MLLT3: variants seen among roughly 807,000 people sequenced by gnomAD.
The protein encoded by MLLT3 is protein AF-9.
A neutral mutation model predicts 53.2 loss-of-function variants in MLLT3; 4 were observed. The observed-to-expected ratio is 0.08, with a 90% CI of 0.04 to 0.17. The LOEUF is 0.17. Ranked by LOEUF, MLLT3 falls within the 10% of genes least tolerant of loss-of-function variation. MLLT3 has a pLI of 1.00. For synonymous variants in MLLT3, 283 were observed against 230.6 expected, an observed-to-expected ratio of 1.23 and a Z score of -2.06; for missense variants, 569 against 684.0, an observed-to-expected ratio of 0.83 and a Z score of 1.87.
intron 4 of MLLT3, among the ~76,000 whole-genome samples, chr9:20,447,644 A>G (rs1245199899): frequency 6.6e-6 from 1 of 152,210 alleles, no homozygotes; most frequent in African/African-American, 2.4e-5. Context: ...CATAAAATTC[A>G]AACAAACAAA....
At chr9:20,507,384 C>CT (rs1433222381) in intron 2 of MLLT3, among the ~76,000 whole-genome samples, 1 of 152,084 alleles carries the variant, frequency 6.6e-6, no homozygotes, top group Non-Finnish European at 1.5e-5. Flanking sequence ...AATTGCCTCC[C>CT]CCAAGTTGAC....
intron 4 of MLLT3, among the ~76,000 whole-genome samples, chr9:20,434,058 T>C (rs1351907579): frequency 6.6e-6 from 1 of 151,752 alleles, no homozygotes; most frequent in South Asian, 2.1e-4. Context: ...GAAGCGGAGG[T>C]TGCAGTGAGC....
chr9:20,434,347 G>GT (rs145743524), intron 4 of MLLT3, among the ~76,000 whole-genome samples: 8,308 of 152,130 alleles, frequency 0.055, 617 homozygotes, highest in African/African-American at 0.16. Flanking sequence ...AGAAAGAAAA[G>GT]TTTTTTGTAC....
chr9:20,543,618 G>A (rs986920659), intron 2 of MLLT3, among the ~76,000 whole-genome samples: 2 of 151,816 alleles, frequency 1.3e-5, no homozygotes, highest in Non-Finnish European at 2.9e-5. Flanking sequence ...CTCCAACCTG[G>A]GCAGAAGAAT....
intron 2 of MLLT3, among the ~76,000 whole-genome samples, chr9:20,494,945 C>T (rs1026190591): frequency 3.9e-5 from 6 of 151,956 alleles, no homozygotes; most frequent in Non-Finnish European, 7.4e-5. Context: ...TTTTTTTCCT[C>T]CTAGGGTAAT....
chr9:20,384,757 TAG>T (rs1434288193), intron 5 of MLLT3, among the ~76,000 whole-genome samples: 10 of 152,110 alleles, frequency 6.6e-5, no homozygotes, highest in African/African-American at 1.9e-4. Context: ...ATAAATCAAA[TAG>T]AGTCATCAAA....
chr9:20,502,825 A>G (rs2118944832), intron 2 of MLLT3, among the ~76,000 whole-genome samples: 1 of 152,348 alleles, frequency 6.6e-6, no homozygotes, highest in South Asian at 2.1e-4. Flanking sequence ...AACTGTTAGA[A>G]CTAATAAATA....
intron 2 of MLLT3, among the ~76,000 whole-genome samples, chr9:20,545,191 A>C (rs1284669382): frequency 1.3e-5 from 2 of 152,150 alleles, no homozygotes; most frequent in African/African-American, 4.8e-5. Flanking sequence ...TTGAAAGATA[A>C]ATAAACAAAA....
chr9:20,396,184 CT>C (rs1822318163), intron 5 of MLLT3, among the ~76,000 whole-genome samples: 3 of 151,844 alleles, frequency 2.0e-5, no homozygotes, highest in Admixed American at 2.0e-4. Context: ...AGAAAGTCAT[CT>C]CTTTTAACAT....
chr9:20,398,390 A>T (rs1342876582), intron 5 of MLLT3, among the ~76,000 whole-genome samples: 1 of 152,128 alleles, frequency 6.6e-6, no homozygotes, highest in African/African-American at 2.4e-5. Flanking sequence ...ACATTTAATT[A>T]TACGGTTGTA....
At position 20,521,364 on chromosome 9, in the gene MLLT3, C is replaced by A. The variant is rs1045229649; in HGVS notation, c.194-64578G>T. Among the ~76,000 whole-genome samples the A allele has an allele frequency of 2.0e-5, 3 of 152,158 alleles. No homozygotes were observed. In the East Asian group the frequency reaches 5.8e-4, roughly 29 times the overall value. The stretch of plus-strand genomic sequence containing the variant: ...GGGATTACAGGCATGAGCCACTGCA[C>A]CCAGCCTAAGCTGTAAACTTTAAAC... On this transcript the variant is annotated intron_variant, in intron 2 of 10. Coordinates refer to ENST00000380338, the MANE Select transcript of MLLT3 (RefSeq NM_004529.4).
intron 2 of MLLT3, among the ~76,000 whole-genome samples, chr9:20,482,072 A>G (rs1824676321): frequency 6.6e-6 from 1 of 152,226 alleles, no homozygotes; most frequent in African/African-American, 2.4e-5. Context: ...TCCCAATCTA[A>G]GAAAGCCTGT....
At chr9:20,418,634 C>T (rs1040967466) in intron 4 of MLLT3, among the ~76,000 whole-genome samples, 1 of 152,092 alleles carries the variant, frequency 6.6e-6, no homozygotes, top group African/African-American at 2.4e-5. Context: ...GAGATGGGGT[C>T]TTGCTGTGTT....
intron 2 of MLLT3, among the ~76,000 whole-genome samples, chr9:20,576,715 G>C (rs1819662826): frequency 6.6e-6 from 1 of 152,138 alleles, no homozygotes; most frequent in Non-Finnish European, 1.5e-5. Context: ...CGATAATAAT[G>C]AAAAATTCTG....
intron 2 of MLLT3, among the ~76,000 whole-genome samples, chr9:20,467,509 C>T (rs1023494689): frequency 2.6e-5 from 4 of 152,096 alleles, no homozygotes; most frequent in African/African-American, 4.8e-5. Flanking sequence ...ACTCGGGAGG[C>T]GGAGGCTGCT....
intron 4 of MLLT3, among the ~76,000 whole-genome samples, chr9:20,444,001 A>G (rs1333433660): frequency 6.6e-6 from 1 of 152,244 alleles, no homozygotes; most frequent in Non-Finnish European, 1.5e-5. Flanking sequence ...TTAGTAGAAT[A>G]ATAAATTTTA....
At chr9:20,393,500 T>C (rs1225530238) in intron 5 of MLLT3, among the ~76,000 whole-genome samples, 1 of 152,210 alleles carries the variant, frequency 6.6e-6, no homozygotes. Context: ...CACTATATCA[T>C]CTACAGTAGA....
intron 2 of MLLT3, among the ~76,000 whole-genome samples, chr9:20,472,286 G>A (rs1824414750): frequency 6.6e-6 from 1 of 151,974 alleles, no homozygotes; most frequent in Admixed American, 6.6e-5. Context: ...CCTGGGATAG[G>A]TTTATATTCT....
intron 8 of MLLT3, among the ~76,000 whole-genome samples, chr9:20,358,464 G>A (rs1349833707): frequency 6.6e-6 from 1 of 152,214 alleles, no homozygotes; most frequent in East Asian, 1.9e-4. Flanking sequence ...CCAGGAGTAT[G>A]CTACTTAATC....
Sources: gnomAD v4.1 joint callset for allele counts (sites outside exome capture counted in the v4.1 genomes callset) on GRCh38, gnomAD v4.1.1 for gene constraint, MANE v1.5 for transcripts, NCBI Gene and HGNC (gene_info 2026-07-23, HGNC 2026-07-21) for gene names.